The following LAMC3 variants were observed in gnomAD, a reference collection of about 807,000 sequenced individuals.
The protein encoded by LAMC3 is laminin subunit gamma-3.
A neutral mutation model predicts 173.8 loss-of-function variants in LAMC3; 128 were observed. The observed-to-expected ratio is 0.74, with a 90% CI of 0.64 to 0.85. The LOEUF is 0.85. Among genes scored for constraint, LAMC3 ranks in the 40% least tolerant of loss-of-function variants. The pLI, the probability that LAMC3 is intolerant of heterozygous loss-of-function variation, is 0.00. For missense variants in LAMC3, 2,022 were observed against 2,156.0 expected (o/e 0.94, Z 1.23); for synonymous variants, 897 against 909.1 (o/e 0.99, Z 0.24).
chr9:131,012,874 G>GC (rs762335716), intron 1 of LAMC3, among the ~76,000 whole-genome samples: 32 of 152,326 alleles, frequency 2.1e-4, no homozygotes, highest in Non-Finnish European at 4.4e-4. Context: ...CGCATTCCCA[G>GC]CCCCCCGTGG....
Position 131,068,156 on chromosome 9 carries a change from C to T in LAMC3, c.2672C>T (p.Pro891Leu). 1 of 1,613,446 alleles carries T rather than the reference C, an allele frequency of 6.2e-7. No homozygotes were observed. Among genetic ancestry groups the T allele is most frequent in the Non-Finnish European group, 8.5e-7 (1 of 1,180,026 alleles). ...GTGACAGGCCAATGCTCCTGCCTGCCTCATGTGACTGCACGGGACTGCAGC... is the reference window on the plus strand; with the variant it reads ...GTGACAGGCCAATGCTCCTGCCTGCTTCATGTGACTGCACGGGACTGCAGC... ...DPVTGQCSCL[P>L]HVTARDCSRC... Residue 891 changes from proline (P) to leucine (L), a missense_variant, in exon 15 of 28, where the codon CCT (proline) becomes CTT (leucine). Transcript: ENST00000361069.
chr9:131,060,779 A>G (rs747250111), intron 12 of LAMC3, among the ~76,000 whole-genome samples: 5 of 152,030 alleles, frequency 3.3e-5, no homozygotes, highest in Non-Finnish European at 5.9e-5. Flanking sequence ...GGTTGTTCCC[A>G]TTTTGCAGAT....
Position 131,066,997 on chromosome 9 carries a change from G to A in LAMC3, c.2385G>A (p.Gly795=), listed in dbSNP as rs1829947118. The stretch of plus-strand genomic sequence containing the variant: ...AGGTCTGTGATGATGGCTTTTTTGG[G>A]GACCCGCTGGGGCTCTTTGGGCACC... The part of the protein sequence containing the change: ...RCEVCDDGFF[G]DPLGLFGHPQ... Residue 795 remains glycine, a synonymous_variant, in exon 14 of 28, where the codon GGG becomes GGA. Transcript: ENST00000361069. 1 of 1,613,964 alleles carries A rather than the reference G, an allele frequency of 6.2e-7. No homozygotes were observed. Among genetic ancestry groups the A allele is most frequent in the Non-Finnish European group, 8.5e-7 (1 of 1,180,012 alleles).
In LAMC3 at chr9:131,056,494, G is replaced by GAAAA. The variant is rs113366403; in HGVS notation, c.1940-433_1940-430dup. On this transcript the variant is annotated intron_variant, in intron 11 of 27. Transcript: ENST00000361069. ...TCCCTTACCCTTGAATTGACAATTTGAAAAATAAAAATAAAAATCAACCAG... is the reference window on the plus strand; with the variant it reads ...TCCCTTACCCTTGAATTGACAATTTGAAAAAAAAATAAAAATAAAAATCAACCAG... 9.3e-4 allele frequency among the ~76,000 whole-genome samples: 130 copies of GAAAA among 139,956 alleles called. 4 individuals carry two copies. The highest frequency in any genetic ancestry group is 3.8e-3 in the Middle Eastern group (1 of 266). The allele number at this position is 139,956 out of a possible 152,430, so 91.8% of individuals were successfully genotyped here.
chr9:131,084,114 C>T (rs1227318936), intron 24 of LAMC3, among the ~76,000 whole-genome samples: 3 of 150,992 alleles, frequency 2.0e-5, no homozygotes, highest in Non-Finnish European at 2.9e-5. Flanking sequence ...AACTCCTGAC[C>T]TCTGGTGATC....
chr9:131,068,841 G>C, intron 15 of LAMC3, 67 bp from the exon 16 acceptor site: 1 of 1,593,182 alleles, frequency 6.3e-7, no homozygotes, highest in South Asian at 1.1e-5. Context: ...GCCAGCTGCA[G>C]CCGGCAGAGG....
intron 12 of LAMC3, among the ~76,000 whole-genome samples, chr9:131,059,289 G>A (rs1158332597): frequency 1.3e-5 from 2 of 151,486 alleles, no homozygotes; most frequent in East Asian, 3.9e-4. Context: ...TCAGGAGATC[G>A]AGACCATCCT....
intron 11 of LAMC3, 62 bp from the exon 12 acceptor site, chr9:131,056,867 G>T: frequency 2.3e-6 from 3 of 1,325,144 alleles, no homozygotes; most frequent in African/African-American, 1.4e-5. Flanking sequence ...GAAGGTTTTG[G>T]GGGGAAGCAT....
chr9:131,032,053 C>G lies in LAMC3; in HGVS notation c.687C>G (p.Val229=), dbSNP rs1833833356. ...TCTCCCCTCTGCCCCAGGAGTGGGT[C>G]ACCAGCACCGAACTCCTCATCTCTC... is the stretch of plus-strand genomic sequence containing the variant. ...FEESPGLQEW[V]TSTELLISLD... Residue 229 remains valine (V), a synonymous_variant, in exon 3 of 28, where the codon GTC becomes GTG. Transcript: ENST00000361069. 2 of 1,613,880 alleles carry G rather than the reference C, an allele frequency of 1.2e-6. No homozygotes were observed. Among genetic ancestry groups the G allele is most frequent in the African/African-American group, 1.3e-5 (1 of 74,888 alleles).
At chr9:131,077,532 C>T (rs897183848) in intron 22 of LAMC3, among the ~76,000 whole-genome samples, 198 bp downstream of exon 22, 3 of 151,716 alleles carry the variant, frequency 2.0e-5, no homozygotes, top group Non-Finnish European at 4.4e-5. Flanking sequence ...CAAAAATTAG[C>T]CAGGTGTGGT....
rs1357305075 is a variant in LAMC3, at chr9:131,068,206, C to G, written c.2722C>G (p.Leu908Val). 1.2e-6 allele frequency: 2 copies of G among 1,611,696 alleles called. No homozygotes were observed. Among genetic ancestry groups the G allele is most frequent in the African/African-American group, 1.3e-5 (1 of 74,916 alleles). The change falls in exon 15 of 28, where the codon CTC becomes GTC. Residue 908 changes from leucine to valine, a missense_variant. Leu to Val is a conservative substitution (Grantham distance 32). Transcript: ENST00000361069. ...CCGCTGCTACCCTGGCTTCTTCGAC[C>G]TCCAGCCTGGGAGGGGCTGCCGGAG... Reference protein sequence around the residue: ...CSRCYPGFFDLQPGRGCRSCK... With the variant: ...CSRCYPGFFDVQPGRGCRSCK...
intron 9 of LAMC3, among the ~76,000 whole-genome samples, chr9:131,052,280 C>T (rs1278249039): frequency 6.6e-6 from 1 of 152,222 alleles, no homozygotes; most frequent in African/African-American, 2.4e-5. Flanking sequence ...AAGATGGTCA[C>T]AGCAGAGCAT....
intron 9 of LAMC3, among the ~76,000 whole-genome samples, chr9:131,051,921 A>G (rs926598025): frequency 3.9e-5 from 6 of 152,158 alleles, no homozygotes; most frequent in Non-Finnish European, 8.8e-5. Context: ...CATGAGTCAG[A>G]AGGTACCGCA....
chr9:131,086,771 T>C (rs925583343), intron 25 of LAMC3, among the ~76,000 whole-genome samples: 1 of 151,524 alleles, frequency 6.6e-6, no homozygotes, highest in African/African-American at 2.4e-5. Context: ...GCACCTGTAG[T>C]CCTAACTACT....
chr9:131,035,771 A>G (rs1833932366), intron 3 of LAMC3, among the ~76,000 whole-genome samples: 1 of 152,086 alleles, frequency 6.6e-6, no homozygotes, highest in South Asian at 2.1e-4. Context: ...TGCTGGTGTG[A>G]CTGCTGGCCC....
intron 22 of LAMC3, 95 bp from the exon 23 acceptor site, chr9:131,079,054 G>A (rs1306216219): frequency 1.3e-5 from 19 of 1,493,038 alleles, no homozygotes; most frequent in Admixed American, 7.8e-5. Flanking sequence ...GGGCAGACCC[G>A]CCGCCTCAGC....
In LAMC3 at chr9:131,009,312, A is replaced by G; in HGVS notation, c.98A>G (p.Gln33Arg). ...TGCTATGACGGCGCAGGGCGCCCGC[A>G]GCGCTGCCTGCCGGTGTTCGAGAAC... ...GACYDGAGRP[Q>R]RCLPVFENAA... The change falls in exon 1 of 28, where the codon CAG becomes CGG. Residue 33 changes from glutamine to arginine, a missense_variant. Gln to Arg is a conservative substitution (Grantham distance 43). Coordinates refer to ENST00000361069, the MANE Select transcript of LAMC3 (RefSeq NM_006059.4). The surrounding 1 kb of genome is among the most constrained non-coding windows in gnomAD (Gnocchi z 4.3). 6.9e-7 allele frequency: 1 copy of G among 1,457,128 alleles called. No homozygotes were observed. Among genetic ancestry groups the G allele is most frequent in the Non-Finnish European group, 9.0e-7 (1 of 1,111,730 alleles). The allele number at this position is 1,457,128 out of a possible 1,614,324, so 90.3% of individuals were successfully genotyped here.
Position 131,061,204 on chromosome 9 carries a change from C to T in LAMC3, c.2328C>T (p.His776=). 1 of 1,608,562 alleles carries T rather than the reference C, an allele frequency of 6.2e-7. No individual in the cohort carries two copies. The highest frequency in any genetic ancestry group is 8.5e-7 in the Non-Finnish European group (1 of 1,179,708). Residue 776 remains histidine (H), a synonymous_variant, in exon 13 of 28, where the codon CAC becomes CAT. Transcript: ENST00000361069. The stretch of plus-strand genomic sequence containing the variant: ...AGAGCCGGGAGGTGGTGTGTACCCA[C>T]TGCCCCCCGGGCCAGAGAGGTAAGT... The part of the protein sequence containing the change: ...IPESREVVCT[H]CPPGQRGRRC...
At chr9:131,073,578 A>G (rs1165610578) in intron 20 of LAMC3, among the ~76,000 whole-genome samples, 1 of 152,148 alleles carries the variant, frequency 6.6e-6, no homozygotes, top group African/African-American at 2.4e-5. Context: ...TGTGTAATAT[A>G]CAAGTTATTA....
Sources: gnomAD v4.1 joint callset for allele counts (sites outside exome capture counted in the v4.1 genomes callset) on GRCh38, gnomAD v4.1.1 for gene constraint, Gnocchi (gnomAD v3.1) non-coding constraint, MANE v1.5 for transcripts, NCBI Gene and HGNC (gene_info 2026-07-23, HGNC 2026-07-21) for gene names.